Variants in RPN2 observed in about 807,000 individuals in gnomAD.
The protein encoded by RPN2 is dolichyl-diphosphooligosaccharide--protein glycosyltransferase subunit 2.
In RPN2, 29 loss-of-function variants were observed where a neutral mutation model predicts 71.4. The ratio of observed to expected loss-of-function variants is 0.41; its 90% CI spans 0.30 to 0.55. RPN2 has a LOEUF of 0.55. RPN2 is among the 20% of genes least tolerant of loss of function. The pLI, the probability that RPN2 is intolerant of heterozygous loss-of-function variation, is 0.35. For synonymous variants in RPN2, 308 were observed against 305.0 expected (o/e 1.01, Z -0.10); for missense variants, 726 against 774.1 (o/e 0.94, Z 0.74).
intron 9 of RPN2, among the ~76,000 whole-genome samples, chr20:37,220,965 C>G (rs559648726): frequency 3.3e-5 from 5 of 152,218 alleles, no homozygotes; most frequent in African/African-American, 1.2e-4. Context: ...TGAGAGCAAA[C>G]CAAGAATGAT....
intron 10 of RPN2, 123 bp from the exon 11 acceptor site, chr20:37,225,565 C>T (rs578039481): frequency 1.4e-6 from 1 of 737,374 alleles, no homozygotes. Flanking sequence ...ATCTGTCTGT[C>T]CACAACAGAA....
rs2068398444 is a variant in RPN2, at chr20:37,236,543, T to C, written c.1754-37T>C. 3.1e-6 allele frequency: 5 copies of C among 1,612,546 alleles called. No homozygotes were observed. The East Asian group carries it at 6.7e-5, about 22-fold the overall frequency. On this transcript the variant is annotated intron_variant, in intron 15 of 16. Transcript: ENST00000237530. ...CCTCAACCGCAGGGCATCATTATGTTTCATTTAATTGGATGTCATGACACC... is the reference window on the plus strand; with the variant it reads ...CCTCAACCGCAGGGCATCATTATGTCTCATTTAATTGGATGTCATGACACC...
chr20:37,192,495 A>G (rs2067163391), intron 2 of RPN2, among the ~76,000 whole-genome samples: 2 of 152,212 alleles, frequency 1.3e-5, no homozygotes, highest in Non-Finnish European at 2.9e-5. Context: ...ACAATCTTGC[A>G]CTGGAGTGCT....
chr20:37,211,909 C>T (rs1328854897), intron 8 of RPN2, among the ~76,000 whole-genome samples: 1 of 151,168 alleles, frequency 6.6e-6, no homozygotes, highest in Non-Finnish European at 1.5e-5. Context: ...GGCTAATTTT[C>T]GTATTTTCGG....
intron 2 of RPN2, among the ~76,000 whole-genome samples, chr20:37,194,325 G>A (rs969125609): frequency 2.6e-5 from 4 of 152,030 alleles, no homozygotes; most frequent in Admixed American, 2.6e-4. Flanking sequence ...GCTGTGGCTC[G>A]ATCTCGGCTC....
At chr20:37,235,451 G>C (rs913935741) in intron 15 of RPN2, among the ~76,000 whole-genome samples, 5 of 152,166 alleles carry the variant, frequency 3.3e-5, no homozygotes, top group African/African-American at 7.2e-5. Context: ...GCTCAGAGAA[G>C]TTAAGTGGCT....
rs2068057074 is a variant in RPN2 at position 37,225,635 on chromosome 20, T to C, written c.1185-53T>C. The stretch of plus-strand genomic sequence containing the variant: ...AGTGAAGTATATATTTTCTGCCTGT[T>C]CTCAGAGATATACTGATCCTCTCTG... On this transcript the variant is annotated intron_variant, in intron 10 of 16. Coordinates refer to ENST00000237530, the MANE Select transcript of RPN2 (RefSeq NM_002951.5). 8.5e-6 allele frequency: 10 copies of C among 1,183,246 alleles called. No individual in the cohort carries two copies. The East Asian group carries it at 2.3e-4, about 28-fold the overall frequency. 73.3% of individuals were successfully genotyped at this position (1,183,246 alleles called of 1,614,324 possible). A position where few individuals can be genotyped will look rare whatever the true frequency, so the allele number is the denominator to read the frequency against.
chr20:37,184,112 C>T, intron 1 of RPN2, 68 bp from the exon 2 acceptor site: 1 of 1,573,692 alleles, frequency 6.4e-7, no homozygotes. Flanking sequence ...TGGTGTGCAT[C>T]ATCATTGGGA....
Position 37,198,498 on chromosome 20 carries a change from T to C in RPN2, c.303+6T>C. ...AGGCCCTCTCAGGATGTGAGGTGAG[T>C]CCGGGTTCCTACGCTGACAATGACT... On this transcript the variant is annotated splice_donor_region_variant and intron_variant, in intron 3 of 16. Transcript: ENST00000237530. The C allele has an allele frequency of 1.2e-6, 2 of 1,614,080 alleles. No individual in the cohort carries two copies. Among genetic ancestry groups the C allele is most frequent in the Non-Finnish European group, 1.7e-6 (2 of 1,180,024 alleles).
intron 2 of RPN2, among the ~76,000 whole-genome samples, chr20:37,197,396 C>G (rs1419684030): frequency 2.6e-5 from 4 of 152,190 alleles, no homozygotes; most frequent in African/African-American, 9.6e-5. Flanking sequence ...TGAGAAATGG[C>G]AAGGGCCTGC....
At chr20:37,199,782 G>A (rs2067338378) in intron 4 of RPN2, among the ~76,000 whole-genome samples, 1 of 152,140 alleles carries the variant, frequency 6.6e-6, no homozygotes, top group African/African-American at 2.4e-5. Context: ...TGGAAATATT[G>A]TAACTTCAGG....
intron 6 of RPN2, 93 bp downstream of exon 6, chr20:37,204,994 A>C (rs1199954358): frequency 4.4e-6 from 7 of 1,574,244 alleles, no homozygotes; most frequent in Non-Finnish European, 5.2e-6. Flanking sequence ...ATGTTCAGAC[A>C]GTACCTTGGG....
chr20:37,238,589 T>G (rs1384486282), intron 16 of RPN2: 4 of 737,868 alleles, frequency 5.4e-6, no homozygotes, highest in Non-Finnish European at 9.9e-6. Flanking sequence ...ATTCTGAGGC[T>G]GCTTTTCAAC....
chr20:37,214,975 T>C (rs1356177715), intron 9 of RPN2, among the ~76,000 whole-genome samples: 1 of 152,226 alleles, frequency 6.6e-6, no homozygotes, highest in Non-Finnish European at 1.5e-5. Context: ...TTTTAAAAAT[T>C]GGAATTCTGC....
At chr20:37,236,799 G>A in intron 16 of RPN2, 90 bp downstream of exon 16, 2 of 1,368,554 alleles carry the variant, frequency 1.5e-6, no homozygotes, top group Non-Finnish European at 2.1e-6. Context: ...GTGGCAAAAT[G>A]ATTTGTGTTC....
rs1351136856 is a variant in RPN2, at chr20:37,236,561, A to G, written c.1754-19A>G. The G allele has an allele frequency of 1.2e-6, 2 of 1,613,856 alleles. No homozygotes were observed. The highest frequency in any genetic ancestry group is 4.5e-5 in the East Asian group (2 of 44,882). On this transcript the variant is annotated intron_variant, in intron 15 of 16. Coordinates refer to ENST00000237530, the MANE Select transcript of RPN2 (RefSeq NM_002951.5). ...ATTATGTTTCATTTAATTGGATGTCATGACACCTCTTCTTGCAGCTATGCT... is the reference window on the plus strand; with the variant it reads ...ATTATGTTTCATTTAATTGGATGTCGTGACACCTCTTCTTGCAGCTATGCT...
At chr20:37,204,406 G>A (rs559448487) in intron 5 of RPN2, among the ~76,000 whole-genome samples, 2 of 152,282 alleles carry the variant, frequency 1.3e-5, no homozygotes, top group Admixed American at 1.3e-4. Flanking sequence ...TCAAATGGAT[G>A]GCCATGGACT....
rs1471414511 is a variant in RPN2 at position 37,179,380 on chromosome 20, G to T, written c.13+11G>T. 3.4e-5 allele frequency: 10 copies of T among 298,366 alleles called. No homozygotes were observed. The highest frequency in any genetic ancestry group is 1.7e-4 in the Admixed American group (1 of 5,720). The allele number at this position is 298,366 out of a possible 1,614,324, so 18.5% of individuals were successfully genotyped here. A position where few individuals can be genotyped will look rare whatever the true frequency, so the allele number is the denominator to read the frequency against. On this transcript the variant is annotated intron_variant, in intron 1 of 16. Coordinates refer to ENST00000237530, the MANE Select transcript of RPN2 (RefSeq NM_002951.5). The stretch of plus-strand genomic sequence containing the variant: ...GAATGGCGCCGCCGGGTGAGGAGTT[G>T]CGCGTGGCTTTGGGGAGAGGGCTGT...
At chr20:37,184,733 A>T (rs982564835) in intron 2 of RPN2, among the ~76,000 whole-genome samples, 1 of 152,228 alleles carries the variant, frequency 6.6e-6, no homozygotes, top group Non-Finnish European at 1.5e-5. Context: ...CAGAGGTTGC[A>T]GTGAGCTGAG....
Sources: allele counts gnomAD v4.1 joint callset (sites outside exome capture counted in the v4.1 genomes callset), GRCh38; gene constraint gnomAD v4.1.1; transcripts MANE v1.5; gene names NCBI Gene and HGNC (gene_info 2026-07-23, HGNC 2026-07-21).